SURF4: variants seen among roughly 807,000 people sequenced by gnomAD.
SURF4 encodes surfeit 4.
Under a neutral mutation model 30.0 loss-of-function variants are expected in SURF4, and 3 were observed. The observed-to-expected ratio is 0.10, with a 90% CI of 0.05 to 0.26. The LOEUF (loss-of-function observed/expected upper bound fraction) is 0.26, where lower values mean the gene tolerates loss of function less well. Among genes scored for constraint, SURF4 ranks in the 10% least tolerant of loss-of-function variants. The pLI, the probability that SURF4 is intolerant of heterozygous loss-of-function variation, is 1.00. For missense variants in SURF4, 217 were observed against 350.8 expected (o/e 0.62, Z 3.05); for synonymous variants, 143 against 139.9 (o/e 1.02, Z -0.16).
intron 1 of SURF4, chr9:133,370,991 A>C (rs1837475115): frequency 7.8e-7 from 1 of 1,287,368 alleles, no homozygotes; most frequent in Non-Finnish European, 1.0e-6. Flanking sequence ...TATTTCTCTC[A>C]AAGGGGTGGT....
rs1485236776 is a variant in SURF4, at chr9:133,362,835, C to A, written c.*658G>T. The A allele has an allele frequency of 1.3e-5, 2 of 157,236 alleles. No homozygotes were observed. Among genetic ancestry groups the A allele is most frequent in the African/African-American group, 4.8e-5 (2 of 41,400 alleles). 9.7% of individuals were successfully genotyped at this position (157,236 alleles called of 1,614,324 possible). On this transcript the variant is annotated 3_prime_UTR_variant, in exon 6 of 6. Coordinates refer to ENST00000371989, the MANE Select transcript of SURF4 (RefSeq NM_033161.4). ...AGCTACTAAAACTCCCAGGGTGTTA[C>A]CCAATAAAACACTTGGCACCAATCC...
chr9:133,372,889 G>C (rs1219985945), intron 1 of SURF4, among the ~76,000 whole-genome samples: 1 of 152,166 alleles, frequency 6.6e-6, no homozygotes, highest in Admixed American at 6.5e-5. Flanking sequence ...ATTGGGGTTT[G>C]GGCGAGTACA....
At chr9:133,373,735 T>A (rs1276254729) in intron 1 of SURF4, among the ~76,000 whole-genome samples, 3 of 150,772 alleles carry the variant, frequency 2.0e-5, no homozygotes, top group Admixed American at 6.6e-5. Flanking sequence ...CTGGCCAACA[T>A]GGGGAAACCC....
chr9:133,363,389 G>A lies in SURF4; in HGVS notation c.*104C>T. On this transcript the variant is annotated 3_prime_UTR_variant, in exon 6 of 6. Coordinates refer to ENST00000371989, the MANE Select transcript of SURF4 (RefSeq NM_033161.4). The surrounding 1 kb of genome is among the most constrained non-coding windows in gnomAD (Gnocchi z 4.3). ...ACATCTGTGCCTTTACCAAGGGAGG[G>A]GAAGGGAAGAGGATACATAAAAGCT... The A allele has an allele frequency of 2.6e-6, 4 of 1,564,148 alleles. No individual in the cohort carries two copies. The highest frequency in any genetic ancestry group is 3.5e-6 in the Non-Finnish European group (4 of 1,139,490).
chr9:133,373,455 T>A (rs1205400538), intron 1 of SURF4, among the ~76,000 whole-genome samples: 1 of 151,702 alleles, frequency 6.6e-6, no homozygotes, highest in African/African-American at 2.4e-5. Context: ...ACACAAAAAT[T>A]AGCGGGGCGT....
chr9:133,374,199 G>A (rs2130220995), intron 1 of SURF4, among the ~76,000 whole-genome samples: 12 of 152,146 alleles, frequency 7.9e-5, no homozygotes, highest in Non-Finnish European at 1.5e-4. Context: ...AATGAAAACT[G>A]ACAAACCTAA....
intron 1 of SURF4, 115 bp downstream of exon 1, chr9:133,375,807 A>G: frequency 1.0e-6 from 1 of 996,060 alleles, no homozygotes; most frequent in Non-Finnish European, 1.3e-6. Context: ...CCCTGTGGGA[A>G]CAAGGAGTCA....
At chr9:133,365,860 G>T in intron 4 of SURF4, 125 bp downstream of exon 4, 1 of 944,054 alleles carries the variant, frequency 1.1e-6, no homozygotes, top group Non-Finnish European at 1.7e-6. Flanking sequence ...GCTCCAATGA[G>T]CACTTCCTTT....
intron 1 of SURF4, among the ~76,000 whole-genome samples, chr9:133,368,886 A>T (rs1180872850): frequency 6.6e-6 from 1 of 152,246 alleles, no homozygotes; most frequent in African/African-American, 2.4e-5. Context: ...GAGTCTAAAG[A>T]GCACCCGAGA....
chr9:133,374,118 A>G (rs1162527251), intron 1 of SURF4, among the ~76,000 whole-genome samples: 2 of 152,130 alleles, frequency 1.3e-5, no homozygotes, highest in East Asian at 3.8e-4. Flanking sequence ...TCCTTCCCTC[A>G]GCTATGAGGA....
At chr9:133,370,741 G>C (rs1200932075) in intron 1 of SURF4, 1 of 598,888 alleles carries the variant, frequency 1.7e-6, no homozygotes, top group African/African-American at 1.9e-5. Flanking sequence ...CCAGCACACA[G>C]GTGACCTGTG....
Position 133,365,972 on chromosome 9 carries a change from A to G in SURF4, c.356+13T>C. ...GAAGGAGCGTATACTAAAACCAACC[A>G]GAATGCACATACCTCATCAAAAACT... On this transcript the variant is annotated intron_variant, in intron 4 of 5. Transcript: ENST00000371989. 6.2e-7 allele frequency: 1 copy of G among 1,613,780 alleles called. No individual in the cohort carries two copies. The highest frequency in any genetic ancestry group is 8.5e-7 in the Non-Finnish European group (1 of 1,179,770).
chr9:133,366,497 G>A (rs1002830984), intron 3 of SURF4, 102 bp downstream of exon 3: 1 of 1,291,812 alleles, frequency 7.7e-7, no homozygotes, highest in Admixed American at 1.7e-5. Flanking sequence ...GACATGCAGG[G>A]GGCTGAAGGG....
Position 133,362,308 on chromosome 9 carries a change from TC to T in SURF4, c.*1184del, listed in dbSNP as rs979520643. ...GACAGGGAGCAACAAGCAGTTAAGCTCCCCCAAAAAGAGAAACACAGTATAA... is the reference window on the plus strand; with the variant it reads ...GACAGGGAGCAACAAGCAGTTAAGCTCCCCAAAAAGAGAAACACAGTATAA... On this transcript the variant is annotated 3_prime_UTR_variant, in exon 6 of 6. Coordinates refer to ENST00000371989, the MANE Select transcript of SURF4 (RefSeq NM_033161.4). 5.3e-5 allele frequency: 8 copies of T among 152,308 alleles called. No homozygotes were observed. The highest frequency in any genetic ancestry group is 1.9e-4 in the African/African-American group (8 of 41,304). 9.4% of individuals were successfully genotyped at this position (152,308 alleles called of 1,614,324 possible). A position where few individuals can be genotyped will look rare whatever the true frequency, so the allele number is the denominator to read the frequency against.
chr9:133,370,980 A>T (rs1165491093), intron 1 of SURF4: 1 of 1,288,582 alleles, frequency 7.8e-7, no homozygotes, highest in African/African-American at 1.5e-5. Context: ...AGGAAGACTG[A>T]TATTTCTCTC....
At chr9:133,367,531 T>A (rs1005461250) in intron 1 of SURF4, 86 bp from the exon 2 acceptor site, 1 of 1,591,024 alleles carries the variant, frequency 6.3e-7, no homozygotes, top group African/African-American at 1.3e-5. Flanking sequence ...GCGGGGTGTG[T>A]GAGGAACAGA....
chr9:133,375,383 G>T, intron 1 of SURF4: 1 of 985,740 alleles, frequency 1.0e-6, no homozygotes. Context: ...CAAGAGTCCA[G>T]CACATCTGGG....
At position 133,367,517 on chromosome 9, in the gene SURF4, T is replaced by C. The variant is rs2130144554; in HGVS notation, c.49-72A>G. ...CACCAGGCCGCTGCCAGGCACGTCC[T>C]TGGGCGGGGTGTGTGAGGAACAGAC... is the stretch of plus-strand genomic sequence containing the variant. On this transcript the variant is annotated intron_variant, in intron 1 of 5. Transcript: ENST00000371989. 8.1e-6 allele frequency: 13 copies of C among 1,598,060 alleles called. No individual in the cohort carries two copies. The African/African-American group carries it at 1.1e-4, about 13-fold the overall frequency.
chr9:133,366,595 G>C lies in SURF4; in HGVS notation c.312+4C>G. The C allele has an allele frequency of 6.2e-7, 1 of 1,613,854 alleles. No individual in the cohort carries two copies. Among genetic ancestry groups the C allele is most frequent in the Non-Finnish European group, 8.5e-7 (1 of 1,179,978 alleles). On this transcript the variant is annotated splice_donor_region_variant and intron_variant, in intron 3 of 5. Coordinates refer to ENST00000371989, the MANE Select transcript of SURF4 (RefSeq NM_033161.4). ...AGGGAGCCCCGACCACGCGGCCCGT[G>C]TACCTGCAGAGCTATGATTCCAAAG... is the stretch of plus-strand genomic sequence containing the variant.
Sources: gnomAD v4.1 joint callset for allele counts (sites outside exome capture counted in the v4.1 genomes callset) on GRCh38, gnomAD v4.1.1 for gene constraint, Gnocchi (gnomAD v3.1) non-coding constraint, MANE v1.5 for transcripts, NCBI Gene and HGNC (gene_info 2026-07-23, HGNC 2026-07-21) for gene names.